SSUH2: variants seen among roughly 807,000 people sequenced by gnomAD.
SSUH2 encodes the protein protein SSUH2 homolog.
In SSUH2, 47 loss-of-function variants were observed where a neutral mutation model predicts 55.3. The observed-to-expected ratio is 0.85, with a 90% CI of 0.67 to 1.08. The LOEUF (loss-of-function observed/expected upper bound fraction) is 1.08, where lower values mean the gene tolerates loss of function less well. Among genes scored for constraint, SSUH2 ranks in the 50% least tolerant of loss-of-function variants. The pLI, the probability that SSUH2 is intolerant of heterozygous loss-of-function variation, is 0.00. For missense variants in SSUH2, 535 were observed against 490.7 expected, an observed-to-expected ratio of 1.09 and a Z score of -0.85; for synonymous variants, 212 against 191.5, an observed-to-expected ratio of 1.11 and a Z score of -0.89.
chr3:8,678,424 GCGA>G (rs1287180178), intron 2 of SSUH2, among the ~76,000 whole-genome samples: 11 of 152,028 alleles, frequency 7.2e-5, no homozygotes, highest in Non-Finnish European at 1.3e-4. Context: ...TGAACAGCCT[GCGA>G]TGCTGGAATT....
In SSUH2 at chr3:8,635,317, G is replaced by C; in HGVS notation, c.192C>G (p.Pro64=). Residue 64 remains proline (P), a synonymous_variant, in exon 3 of 12, where the codon CCC becomes CCG. Transcript: ENST00000544814. ...PGRPQEQRSW[P]SFLEHRVPAM... ...AAACTCACCTGTGTTCCAGGAACGAGGGCCAGGACCTTTGCTCCTGGGGCC... is the reference window on the plus strand; with the variant it reads ...AAACTCACCTGTGTTCCAGGAACGACGGCCAGGACCTTTGCTCCTGGGGCC... 3.3e-6 allele frequency: 5 copies of C among 1,535,778 alleles called. No individual in the cohort carries two copies. The highest frequency in any genetic ancestry group is 4.4e-6 in the Non-Finnish European group (5 of 1,146,678).
chr3:8,676,450 G>T (rs1705283692), intron 3 of SSUH2, among the ~76,000 whole-genome samples: 1 of 150,666 alleles, frequency 6.6e-6, no homozygotes, highest in Admixed American at 6.6e-5. Context: ...ATCCCTGGGG[G>T]GTTTCCACTT....
rs147605908 is a variant in SSUH2 at position 8,628,224 on chromosome 3, C to A, written c.589-441G>T. 2.4e-3 allele frequency among the ~76,000 whole-genome samples: 366 copies of A among 152,230 alleles called. 2 individuals are homozygous for A. The East Asian group carries it at 0.026, about 11-fold the overall frequency. On this transcript the variant is annotated intron_variant, in intron 7 of 11. Coordinates refer to ENST00000544814, the MANE Select transcript of SSUH2 (RefSeq NM_001256748.3). ...TTCCAGGGAAGACCACCGCTGGGAC[C>A]CACAGGCAGTGCAGGAGTGAGCTGG...
At chr3:8,676,781 G>A (rs777400617) in intron 3 of SSUH2, among the ~76,000 whole-genome samples, 1 of 148,140 alleles carries the variant, frequency 6.8e-6, no homozygotes, top group African/African-American at 2.6e-5. Flanking sequence ...GGACCTCATC[G>A]CAGTGGGGGG....
chr3:8,628,626 A>G (rs1698088960), intron 7 of SSUH2, among the ~76,000 whole-genome samples: 3 of 152,238 alleles, frequency 2.0e-5, no homozygotes, highest in Admixed American at 2.0e-4. Flanking sequence ...ATGTGAAGAC[A>G]AAAAGACATG....
At position 8,635,873 on chromosome 3, in the gene SSUH2, C is replaced by T; in HGVS notation, c.29-16G>A. On this transcript the variant is annotated splice_polypyrimidine_tract_variant and intron_variant, in intron 1 of 11. Transcript: ENST00000544814. ...TCCACCACACCTGCAGAAAGACAAG[C>T]ATTCCTAAGCCTTGGGTAGGGAGGC... 10 of 1,534,944 alleles carry T rather than the reference C, an allele frequency of 6.5e-6. No individual in the cohort carries two copies. The highest frequency in any genetic ancestry group is 1.4e-5 in the African/African-American group (1 of 73,108).
chr3:8,631,498 G>A (rs1246050572), intron 5 of SSUH2, among the ~76,000 whole-genome samples: 1 of 152,184 alleles, frequency 6.6e-6, no homozygotes, highest in Admixed American at 6.5e-5. Flanking sequence ...CCATCCTGCT[G>A]GGAGGGGAGC....
chr3:8,627,838 C>T (rs551229165), intron 7 of SSUH2, 55 bp from the exon 8 acceptor site: 107 of 1,519,910 alleles, frequency 7.0e-5, no homozygotes, highest in Middle Eastern at 5.2e-4. Flanking sequence ...GCAGGGCCAA[C>T]GGCATCCCAA....
intron 7 of SSUH2, among the ~76,000 whole-genome samples, chr3:8,628,428 C>T (rs1698049742): frequency 1.3e-5 from 2 of 152,188 alleles, no homozygotes; most frequent in African/African-American, 2.4e-5. Context: ...GAAAAGACAA[C>T]TAATGCCATG....
chr3:8,681,040 G>A (rs1705899651), intron 1 of SSUH2, among the ~76,000 whole-genome samples: 1 of 143,900 alleles, frequency 6.9e-6, no homozygotes, highest in Non-Finnish European at 1.6e-5. Flanking sequence ...GGGACTGAGA[G>A]CCACCCCCTC....
Position 8,619,829 on chromosome 3 carries a change from C to T in SSUH2, c.*39G>A. On this transcript the variant is annotated 3_prime_UTR_variant, in exon 12 of 12. Coordinates refer to ENST00000544814, the MANE Select transcript of SSUH2 (RefSeq NM_001256748.3). Reference sequence around the variant, plus strand: ...AGAGAGTGTCGGCCATCTTCCTTGGCAAACGTGAATGGCAGGCTCTGGGGA... The same window carrying T: ...AGAGAGTGTCGGCCATCTTCCTTGGTAAACGTGAATGGCAGGCTCTGGGGA... The T allele has an allele frequency of 6.2e-7, 1 of 1,602,116 alleles. No homozygotes were observed.
intron 8 of SSUH2, chr3:8,627,103 T>G (rs1697748062): frequency 6.6e-6 from 1 of 152,254 alleles, no homozygotes; most frequent in South Asian, 2.1e-4. Flanking sequence ...GAGGCAAAAG[T>G]ATCATTAACC....
intron 6 of SSUH2, among the ~76,000 whole-genome samples, chr3:8,630,177 G>A (rs1249115622): frequency 6.6e-6 from 1 of 152,210 alleles, no homozygotes; most frequent in Non-Finnish European, 1.5e-5. Flanking sequence ...GAAAGGAATA[G>A]AACACTTTCT....
intron 1 of SSUH2, among the ~76,000 whole-genome samples, chr3:8,641,420 G>A (rs1255892631): frequency 6.6e-6 from 1 of 152,170 alleles, no homozygotes; most frequent in African/African-American, 2.4e-5. Context: ...CTAAAAGCAG[G>A]GCTCAGGGAG....
chr3:8,621,357 G>C (rs1696391749), intron 11 of SSUH2, among the ~76,000 whole-genome samples: 2 of 152,296 alleles, frequency 1.3e-5, no homozygotes, highest in Admixed American at 1.3e-4. Context: ...CTAGGGAAGA[G>C]GTAAACCAGG....
At chr3:8,628,712 C>T (rs1698106837) in intron 7 of SSUH2, among the ~76,000 whole-genome samples, 1 of 152,196 alleles carries the variant, frequency 6.6e-6, no homozygotes, top group South Asian at 2.1e-4. Flanking sequence ...CCAAGGACGG[C>T]CCGCAGCTCC....
At chr3:8,680,955 A>T (rs918924579) in intron 1 of SSUH2, among the ~76,000 whole-genome samples, 1 of 143,488 alleles carries the variant, frequency 7.0e-6, no homozygotes, top group Non-Finnish European at 1.6e-5. Context: ...TGGAATTATT[A>T]TCATCCTCTC....
In SSUH2 at chr3:8,620,115, T is replaced by C. The variant is rs2125065089; in HGVS notation, c.982-101A>G. ...TCCCTACTGTGTGTGGTATGAAAGG[T>C]CCTGCTCTGGAGTTGGCATTCAATA... On this transcript the variant is annotated intron_variant, in intron 11 of 11. Coordinates refer to ENST00000544814, the MANE Select transcript of SSUH2 (RefSeq NM_001256748.3). The C allele has an allele frequency of 8.9e-6, 12 of 1,345,082 alleles. No individual in the cohort carries two copies. The South Asian group carries it at 9.9e-5, about 11-fold the overall frequency. 83.3% of individuals were successfully genotyped at this position (1,345,082 alleles called of 1,614,324 possible).
At chr3:8,674,125 G>C (rs777151925) in intron 3 of SSUH2, among the ~76,000 whole-genome samples, 1 of 152,212 alleles carries the variant, frequency 6.6e-6, no homozygotes. Flanking sequence ...TAAGCCGCGA[G>C]GAAAAGCGCA....
Sources: gnomAD v4.1 joint callset for allele counts (sites outside exome capture counted in the v4.1 genomes callset) on GRCh38, gnomAD v4.1.1 for gene constraint, MANE v1.5 for transcripts, NCBI Gene and HGNC (gene_info 2026-07-23, HGNC 2026-07-21) for gene names.